Variants in DROSHA observed in about 807,000 individuals in gnomAD.
The protein encoded by DROSHA is ribonuclease 3.
In DROSHA, 56 loss-of-function variants were observed where a neutral mutation model predicts 181.9. The observed-to-expected ratio is 0.31, with a 90% confidence interval of 0.25 to 0.38. DROSHA has a LOEUF of 0.38. Among genes scored for constraint, DROSHA ranks in the 10% least tolerant of loss-of-function variants. The pLI is 1.00. For synonymous variants in DROSHA, 524 were observed against 591.2 expected (o/e 0.89, Z 1.65); for missense variants, 1,218 against 1,743.5 (o/e 0.70, Z 5.37).
Position 31,472,083 on chromosome 5 carries a change from T to C in DROSHA, c.2221A>G (p.Ile741Val). Residue 741 changes from isoleucine to valine, a missense_variant, in exon 17 of 36, where the codon ATT (isoleucine) becomes GTT (valine). Physicochemically the swap from Ile to Val is conservative, Grantham distance 29. This residue lies in a region of DROSHA where 460 missense variants were observed against 774.2 expected (regional missense o/e 0.59). Coordinates refer to ENST00000344624, the MANE Select transcript of DROSHA (RefSeq NM_001382508.1). ...CATACCGTCCCAGGGTTGGTAACAA[T>C]CATGCCTTTGCATTCTTCTGCATAT... ...QKYAEECKGM[I>V]VTNPGTKPSS... The C allele has an allele frequency of 6.2e-7, 1 of 1,613,834 alleles. No homozygotes were observed. Among genetic ancestry groups the C allele is most frequent in the Non-Finnish European group, 8.5e-7 (1 of 1,179,824 alleles).
At chr5:31,440,453 C>T (rs1471324525) in intron 23 of DROSHA, among the ~76,000 whole-genome samples, 1 of 152,194 alleles carries the variant, frequency 6.6e-6, no homozygotes. Flanking sequence ...CAACTGCTAT[C>T]ATTTCACTTA....
intron 16 of DROSHA, among the ~76,000 whole-genome samples, chr5:31,473,261 G>T (rs1165294395): frequency 1.3e-5 from 2 of 152,312 alleles, no homozygotes; most frequent in Middle Eastern, 3.4e-3. Context: ...TTTGAGTCTG[G>T]TGCACTAAAC....
At chr5:31,488,952 A>G (rs2150040330) in intron 13 of DROSHA, 1 of 152,392 alleles carries the variant, frequency 6.6e-6, no homozygotes, top group Admixed American at 6.5e-5. Context: ...CAACTAGGTC[A>G]CTTAATTCAG....
At chr5:31,450,240 A>G (rs1746808314) in intron 21 of DROSHA, among the ~76,000 whole-genome samples, 1 of 152,238 alleles carries the variant, frequency 6.6e-6, no homozygotes. Context: ...AACTACATAA[A>G]TTAGTATAAC....
At chr5:31,473,823 A>C (rs929087843) in intron 16 of DROSHA, among the ~76,000 whole-genome samples, 1 of 152,246 alleles carries the variant, frequency 6.6e-6, no homozygotes, top group Non-Finnish European at 1.5e-5. Context: ...GTGCCTAGGA[A>C]CTGCAAAGAG....
chr5:31,480,177 A>AGTATATATATATATATATATATATATAT (rs1750857000), intron 16 of DROSHA, among the ~76,000 whole-genome samples: 2 of 16,264 alleles, frequency 1.2e-4, no homozygotes, highest in Non-Finnish European at 4.2e-4. Context: ...TGGCAATGTC[A>AGTATATATATATATATATATATATATAT]GTATATATAT....
At chr5:31,429,952 G>C (rs1743969584) in intron 26 of DROSHA, among the ~76,000 whole-genome samples, 1 of 152,032 alleles carries the variant, frequency 6.6e-6, no homozygotes, top group African/African-American at 2.4e-5. Flanking sequence ...AAAAAAACCT[G>C]ATAGACAAAA....
At chr5:31,445,805 A>G (rs1223762487) in intron 23 of DROSHA, among the ~76,000 whole-genome samples, 2 of 152,226 alleles carry the variant, frequency 1.3e-5, no homozygotes, top group Non-Finnish European at 2.9e-5. Flanking sequence ...GCATCTATAA[A>G]AACCCAACAG....
intron 13 of DROSHA, chr5:31,486,822 A>T (rs181462201): frequency 6.1e-6 from 2 of 325,488 alleles, no homozygotes; most frequent in Non-Finnish European, 1.1e-5. Context: ...CACAAACATG[A>T]CAAGAACCCA....
intron 33 of DROSHA, 100 bp from the exon 34 acceptor site, chr5:31,407,045 G>T: frequency 1.2e-6 from 1 of 834,074 alleles, no homozygotes; most frequent in Non-Finnish European, 1.7e-6. Context: ...CCTAGACAGA[G>T]TTAAGTAAAA....
rs1741239715 is a variant in DROSHA, at chr5:31,410,937, T to C, written c.3526-50A>G. The stretch of plus-strand genomic sequence containing the variant: ...TTGAGAACACATTTCACTTTTGACC[T>C]CTCTTATTCCTGGGTTGGACCCAAC... On this transcript the variant is annotated intron_variant, in intron 30 of 35. Coordinates refer to ENST00000344624, the MANE Select transcript of DROSHA (RefSeq NM_001382508.1). 5 of 1,606,038 alleles carry C rather than the reference T, an allele frequency of 3.1e-6. No homozygotes were observed. The East Asian group carries it at 1.1e-4, about 36-fold the overall frequency.
intron 15 of DROSHA, among the ~76,000 whole-genome samples, chr5:31,483,943 T>C (rs1751373126): frequency 6.6e-6 from 1 of 152,188 alleles, no homozygotes; most frequent in East Asian, 1.9e-4. Context: ...TATAATTGAA[T>C]TACTGCATGA....
chr5:31,434,693 A>C (rs2150004331), intron 25 of DROSHA, among the ~76,000 whole-genome samples: 1 of 152,316 alleles, frequency 6.6e-6, no homozygotes, highest in South Asian at 2.1e-4. Flanking sequence ...GGCTTTATCT[A>C]CTCTTTCTAT....
chr5:31,505,516 G>C (rs2150050771), intron 10 of DROSHA, among the ~76,000 whole-genome samples: 1 of 152,224 alleles, frequency 6.6e-6, no homozygotes, highest in Admixed American at 6.5e-5. Context: ...TTATGTGGGG[G>C]AAAAGACCAA....
At chr5:31,505,959 C>G (rs537599587) in intron 10 of DROSHA, among the ~76,000 whole-genome samples, 1 of 151,970 alleles carries the variant, frequency 6.6e-6, no homozygotes, top group South Asian at 2.1e-4. Flanking sequence ...ATCTAAAGAT[C>G]CAGGTGGTAC....
At chr5:31,427,085 C>G (rs1213144240) in intron 27 of DROSHA, among the ~76,000 whole-genome samples, 2 of 152,156 alleles carry the variant, frequency 1.3e-5, no homozygotes, top group African/African-American at 4.8e-5. Flanking sequence ...TTCAATGTTA[C>G]ACATGTTGAA....
At position 31,401,040 on chromosome 5, in the gene DROSHA, T is replaced by C. The variant is rs116086102; in HGVS notation, c.*392A>G. On this transcript the variant is annotated 3_prime_UTR_variant, in exon 36 of 36. Transcript: ENST00000344624. ...CAGAGATTTGAAAAAGGATAGATGTTACTAGAGCACAGTCAAAATGTCTAG... is the reference window on the plus strand; with the variant it reads ...CAGAGATTTGAAAAAGGATAGATGTCACTAGAGCACAGTCAAAATGTCTAG... The C allele has an allele frequency of 3.3e-3, 780 of 238,608 alleles. 8 individuals carry two copies. Among genetic ancestry groups the C allele is most frequent in the African/African-American group, 0.017 (742 of 43,238 alleles). The allele number at this position is 238,608 out of a possible 1,614,324, so 14.8% of individuals were successfully genotyped here. A position where few individuals can be genotyped will look rare whatever the true frequency, so the allele number is the denominator to read the frequency against.
Position 31,526,911 on chromosome 5 carries a change from G to A in DROSHA, c.22C>T (p.His8Tyr), listed in dbSNP as rs752503034. 4 of 1,611,522 alleles carry A rather than the reference G, an allele frequency of 2.5e-6. No homozygotes were observed. Among genetic ancestry groups the A allele is most frequent in the African/African-American group, 1.3e-5 (1 of 74,748 alleles). Residue 8 changes from histidine to tyrosine, a missense_variant and splice_region_variant, in exon 5 of 36, where the codon CAC becomes TAC. By Grantham distance (83) the His-to-Tyr change is moderately conservative. Around this residue, in one of 8 missense-constraint regions of DROSHA, gnomAD observed 536 missense variants for 535.4 expected, o/e 1.00. Transcript: ENST00000344624. ...CGTCCCGGGTGGAACGACATTCTGT[G>A]ACTTCATGGCAGAAAAGAAAAAGGG... MMQGNTC[H>Y]RMSFHPGRGC...
intron 25 of DROSHA, among the ~76,000 whole-genome samples, chr5:31,433,692 C>T (rs1048666467): frequency 7.9e-5 from 12 of 152,192 alleles, no homozygotes; most frequent in African/African-American, 2.4e-4. Flanking sequence ...CTACAGGCGC[C>T]TGCCACCACG....
Sources: gnomAD v4.1 joint callset for allele counts (sites outside exome capture counted in the v4.1 genomes callset) on GRCh38, gnomAD v4.1.1 for gene constraint, gnomAD v4.1.1 regional missense constraint, MANE v1.5 for transcripts, NCBI Gene and HGNC (gene_info 2026-07-23, HGNC 2026-07-21) for gene names.